Variants in SMARCA2 observed in about 807,000 individuals in gnomAD.
SMARCA2 encodes SWI/SNF-related matrix-associated actin-dependent regulator of chromatin subfamily A member 2.
A neutral mutation model predicts 199.8 loss-of-function variants in SMARCA2; 61 were observed. The ratio of observed to expected loss-of-function variants is 0.31; its 90% CI spans 0.25 to 0.38. The LOEUF (loss-of-function observed/expected upper bound fraction) is 0.38. Ranked by LOEUF, SMARCA2 falls within the 10% of genes least tolerant of loss-of-function variation. SMARCA2 has a pLI of 1.00. For synonymous variants in SMARCA2, 935 were observed against 732.0 expected, an observed-to-expected ratio of 1.28 and a Z score of -4.48; for missense variants, 1,344 against 2,012.2, an observed-to-expected ratio of 0.67 and a Z score of 6.35.
In SMARCA2 at chr9:2,193,003, GTGGGTGGATAGTATATTTCTA is replaced by G; in HGVS notation, c.*272_*292del. The G allele has an allele frequency of 2.3e-6, 1 of 443,406 alleles. No homozygotes were observed. The highest frequency in any genetic ancestry group is 4.0e-6 in the Non-Finnish European group (1 of 251,346). 27.5% of individuals were successfully genotyped at this position (443,406 alleles called of 1,614,324 possible). A position where few individuals can be genotyped will look rare whatever the true frequency, so the allele number is the denominator to read the frequency against. On this transcript the variant is annotated 3_prime_UTR_variant, in exon 34 of 34. Coordinates refer to ENST00000349721, the MANE Select transcript of SMARCA2 (RefSeq NM_003070.5). ...ACAAAAAGCTTTTGATGGAAAATATGTGGGTGGATAGTATATTTCTATGGGTGGGTCTAATTTGGTAACGGT... is the reference window on the plus strand; with the variant it reads ...ACAAAAAGCTTTTGATGGAAAATATGTGGGTGGGTCTAATTTGGTAACGGT...
chr9:2,082,262 AGTCTTGCTCATCATTATTCCTT>A (rs1339183113), intron 15 of SMARCA2, among the ~76,000 whole-genome samples: 1 of 148,650 alleles, frequency 6.7e-6, no homozygotes, highest in African/African-American at 2.5e-5. Flanking sequence ...CTGCATAGTG[AGTCTTGCTCATCATTATTCCTT>A]AAGTGGCTCA....
chr9:2,191,566 T>A, intron 33 of SMARCA2, 158 bp downstream of exon 33: 1 of 776,946 alleles, frequency 1.3e-6, no homozygotes. Context: ...TGAACGGAGC[T>A]GTATGATTTA....
intron 27 of SMARCA2, chr9:2,158,801 T>A: frequency 1.6e-6 from 1 of 628,990 alleles, no homozygotes; most frequent in South Asian, 3.6e-5. Flanking sequence ...CTCTACTCTT[T>A]ATGTGCGAAA....
At chr9:2,052,187 G>A (rs981872687) in intron 5 of SMARCA2, among the ~76,000 whole-genome samples, 2 of 152,218 alleles carry the variant, frequency 1.3e-5, no homozygotes, top group Non-Finnish European at 2.9e-5. Flanking sequence ...ATAGTTAATA[G>A]CACGGGCCAG....
intron 12 of SMARCA2, among the ~76,000 whole-genome samples, chr9:2,074,824 C>T (rs1462582376): frequency 6.6e-6 from 1 of 152,202 alleles, no homozygotes; most frequent in Non-Finnish European, 1.5e-5. Flanking sequence ...GAGGTCGTGC[C>T]ACTGCACTCC....
chr9:2,117,308 G>A (rs573212423), intron 25 of SMARCA2, among the ~76,000 whole-genome samples: 12 of 152,042 alleles, frequency 7.9e-5, no homozygotes, highest in South Asian at 2.1e-4. Flanking sequence ...TAATTTGTCC[G>A]TCTTATATTT....
At position 2,115,047 on chromosome 9, in the gene SMARCA2, T is replaced by A. The variant is rs544854339; in HGVS notation, c.3457-775T>A. The stretch of plus-strand genomic sequence containing the variant: ...TCAGTATTGTTGAATGTTTCTTTTT[T>A]TAAAAAAAAAGCCATTAGAGAGAGT... On this transcript the variant is annotated intron_variant, in intron 24 of 33. Transcript: ENST00000349721. This position sits in a 1 kb window ranked among gnomAD's most constrained non-coding sequence, Gnocchi z 6.0. 7.3e-5 allele frequency among the ~76,000 whole-genome samples: 11 copies of A among 151,714 alleles called. No individual in the cohort carries two copies. The highest frequency in any genetic ancestry group is 3.9e-4 in the East Asian group (2 of 5,194).
At chr9:2,157,839 G>A (rs1437230587) in intron 27 of SMARCA2, 1 of 398,324 alleles carries the variant, frequency 2.5e-6, no homozygotes, top group African/African-American at 2.1e-5. Context: ...TGAGAAGAAG[G>A]CGCCTGAGGC....
chr9:2,042,741 C>G (rs1297842125), intron 4 of SMARCA2: 2 of 151,566 alleles, frequency 1.3e-5, no homozygotes, highest in Non-Finnish European at 2.9e-5. Flanking sequence ...CACTTTATTA[C>G]TCACTGCTCA....
chr9:2,050,385 C>T (rs371199848), intron 5 of SMARCA2, among the ~76,000 whole-genome samples: 7 of 150,738 alleles, frequency 4.6e-5, no homozygotes, highest in South Asian at 2.1e-4. Context: ...TGCCTAACTT[C>T]GCTTTCTTCT....
chr9:2,141,457 ATAATG>A (rs1824455480), intron 27 of SMARCA2, among the ~76,000 whole-genome samples: 3 of 152,338 alleles, frequency 2.0e-5, no homozygotes, highest in African/African-American at 7.2e-5. Context: ...AAGTCTGTGC[ATAATG>A]TAATGGCACA....
chr9:2,109,681 AATT>A (rs1012482650), intron 23 of SMARCA2, among the ~76,000 whole-genome samples: 1 of 152,186 alleles, frequency 6.6e-6, no homozygotes, highest in Admixed American at 6.5e-5. Flanking sequence ...ACAAGGATAA[AATT>A]ATTCCATTTG....
chr9:2,028,336 G>A (rs1257839871), intron 1 of SMARCA2, among the ~76,000 whole-genome samples: 1 of 148,334 alleles, frequency 6.7e-6, no homozygotes, highest in African/African-American at 2.6e-5. Flanking sequence ...GACTACAGCT[G>A]TGTTTTTCAC....
chr9:2,044,372 T>C (rs1004613834), intron 4 of SMARCA2: 7 of 151,788 alleles, frequency 4.6e-5, no homozygotes, highest in African/African-American at 1.7e-4. Context: ...TGCTGAGGAG[T>C]TGTGTTAAAC....
intron 14 of SMARCA2, among the ~76,000 whole-genome samples, chr9:2,079,185 G>C (rs1343936031): frequency 6.6e-6 from 1 of 152,070 alleles, no homozygotes; most frequent in African/African-American, 2.4e-5. Flanking sequence ...AGCACACTTG[G>C]GACTCTGCGG....
At chr9:2,066,140 A>C (rs1347046207) in intron 9 of SMARCA2, among the ~76,000 whole-genome samples, 1 of 152,242 alleles carries the variant, frequency 6.6e-6, no homozygotes, top group African/African-American at 2.4e-5. Context: ...AACAGAATGG[A>C]TACTTCAGAT....
intron 27 of SMARCA2, among the ~76,000 whole-genome samples, chr9:2,151,794 T>TA (rs138774358): frequency 0.032 from 4,841 of 151,770 alleles, 280 homozygotes; most frequent in African/African-American, 0.11. Context: ...CCAATGAATA[T>TA]AAAAAAAACA....
chr9:2,103,705 G>A (rs1822631124), intron 22 of SMARCA2, among the ~76,000 whole-genome samples: 1 of 151,604 alleles, frequency 6.6e-6, no homozygotes, highest in Non-Finnish European at 1.5e-5. Flanking sequence ...GAAAGAATAA[G>A]TTGAGAGAAA....
intron 2 of SMARCA2, among the ~76,000 whole-genome samples, chr9:2,031,227 A>G (rs1408840181): frequency 6.6e-6 from 1 of 152,148 alleles, no homozygotes; most frequent in Non-Finnish European, 1.5e-5. Context: ...CCTCTTTTTA[A>G]CAGATACATT....
Sources: gnomAD v4.1 joint callset for allele counts (sites outside exome capture counted in the v4.1 genomes callset) on GRCh38, gnomAD v4.1.1 for gene constraint, Gnocchi (gnomAD v3.1) non-coding constraint, MANE v1.5 for transcripts, NCBI Gene and HGNC (gene_info 2026-07-23, HGNC 2026-07-21) for gene names.